The following HSD17B4 variants were observed in gnomAD, a reference collection of about 807,000 sequenced individuals.
HSD17B4 encodes peroxisomal multifunctional enzyme type 2.
A neutral mutation model predicts 101.0 loss-of-function variants in HSD17B4; 70 were observed. That is an observed-to-expected ratio of 0.69 (90% CI 0.57 to 0.85). The LOEUF (loss-of-function observed/expected upper bound fraction) is 0.85. Among genes scored for constraint, HSD17B4 ranks in the 40% least tolerant of loss-of-function variants. The probability of loss-of-function intolerance (pLI) is 0.00; values close to 1 mark genes in which losing one functional copy is unlikely to be tolerated. For missense variants in HSD17B4, 984 were observed against 892.4 expected (o/e 1.10, Z -1.31); for synonymous variants, 347 against 297.1 (o/e 1.17, Z -1.73).
At chr5:119,468,438 T>C (rs1219787992) in intron 2 of HSD17B4, among the ~76,000 whole-genome samples, 3 of 152,100 alleles carry the variant, frequency 2.0e-5, no homozygotes, top group Admixed American at 2.0e-4. Context: ...TTTTGAATGT[T>C]ATCATTCCAT....
At chr5:119,503,509 C>CATATTTGTGG (rs1561467268) in intron 14 of HSD17B4, among the ~76,000 whole-genome samples, 2 of 151,988 alleles carry the variant, frequency 1.3e-5, no homozygotes, top group Non-Finnish European at 2.9e-5. Flanking sequence ...GGTTTGGAAC[C>CATATTTGTGG]TTTTAAACTG....
intron 4 of HSD17B4, among the ~76,000 whole-genome samples, chr5:119,475,000 A>T (rs1394242140): frequency 6.6e-6 from 1 of 152,106 alleles, no homozygotes; most frequent in Non-Finnish European, 1.5e-5. Context: ...CTAGATGGAG[A>T]CATCACGGAA....
At chr5:119,509,996 G>A (rs1358912643) in intron 16 of HSD17B4, among the ~76,000 whole-genome samples, 1 of 152,202 alleles carries the variant, frequency 6.6e-6, no homozygotes, top group African/African-American at 2.4e-5. Flanking sequence ...TGACTGCATA[G>A]TCAGTGCTCC....
chr5:119,525,314 A>G (rs771510857), intron 18 of HSD17B4, 29 bp downstream of exon 18: 1 of 1,319,772 alleles, frequency 7.6e-7, no homozygotes. Context: ...GTATCAATGA[A>G]AAATATTAGC....
At chr5:119,542,329 CTTTG>C (rs969842304) in exon 24 of HSD17B4, 1 of 191,812 alleles carries the variant, frequency 5.2e-6, no homozygotes, top group Non-Finnish European at 1.1e-5. Flanking sequence ...CCTTTGATAC[CTTTG>C]TTTTTTTGTG....
At chr5:119,521,694 TTTTCTTTCCATTTC>T (rs960768006) in intron 17 of HSD17B4, among the ~76,000 whole-genome samples, 4 of 152,092 alleles carry the variant, frequency 2.6e-5, no homozygotes, top group Non-Finnish European at 5.9e-5. Context: ...GATTTTGATT[TTTTCTTTCCATTTC>T]TTTCTTGAAT....
At chr5:119,473,479 C>T (rs1219974633) in intron 2 of HSD17B4, among the ~76,000 whole-genome samples, 1 of 151,472 alleles carries the variant, frequency 6.6e-6, no homozygotes, top group Non-Finnish European at 1.5e-5. Flanking sequence ...CCATAATGCC[C>T]AGCTAATTAT....
At position 119,489,225 on chromosome 5, in the gene HSD17B4, CA is replaced by C. The variant is rs2126740125; in HGVS notation, c.657del (p.Pro220LeufsTer38). The C allele has an allele frequency of 6.2e-7, 1 of 1,612,418 alleles. No individual in the cohort carries two copies. Among genetic ancestry groups the C allele is most frequent in the Non-Finnish European group, 8.5e-7 (1 of 1,178,732 alleles). ...LVEALKPEYV[A>X]PLVLWLCHES... ...GAAGCCCTGAAGCCAGAGTATGTGG[CA>C]CCTCTTGTCCTTTGGCTTTGTCACG... On this transcript the variant is annotated frameshift_variant, in exon 9 of 24. Transcript: ENST00000510025. LOFTEE classifies it high-confidence loss of function.
Position 119,514,639 on chromosome 5 carries a change from T to C in HSD17B4, c.1438-342T>C, listed in dbSNP as rs1209385834. Among the ~76,000 whole-genome samples, 4 of 152,320 alleles carry C rather than the reference T, an allele frequency of 2.6e-5. No individual in the cohort carries two copies. In the East Asian group the frequency reaches 7.7e-4, roughly 29 times the overall value. On this transcript the variant is annotated intron_variant, in intron 16 of 23. Transcript: ENST00000510025. ...AGACCAGTTTTAAAGACTGAATCAA[T>C]TTAGATGTGAATTATATGTCTAATT...
At chr5:119,512,555 G>A (rs1451692765) in intron 16 of HSD17B4, among the ~76,000 whole-genome samples, 2 of 151,116 alleles carry the variant, frequency 1.3e-5, no homozygotes, top group African/African-American at 4.9e-5. Flanking sequence ...TATTCAGAGT[G>A]CTGAAAGGAA....
chr5:119,516,319 A>G (rs1752608499), intron 17 of HSD17B4, among the ~76,000 whole-genome samples: 4 of 152,200 alleles, frequency 2.6e-5, no homozygotes, highest in African/African-American at 9.6e-5. Flanking sequence ...TCATGGTTTC[A>G]TGGTTCAGAA....
At chr5:119,486,736 T>C (rs537475459) in intron 8 of HSD17B4, among the ~76,000 whole-genome samples, 1 of 152,316 alleles carries the variant, frequency 6.6e-6, no homozygotes, top group Non-Finnish European at 1.5e-5. Context: ...TGTACATGTG[T>C]TCTGGATTAC....
In HSD17B4 at chr5:119,531,316, A is replaced by G. The variant is rs758434548; in HGVS notation, c.1905A>G (p.Leu635=). Residue 635 remains leucine (L), a synonymous_variant, in exon 22 of 24, where the codon CTA becomes CTG. Coordinates refer to ENST00000510025, the MANE Select transcript of HSD17B4 (RefSeq NM_000414.4). Reference sequence around the variant, plus strand: ...TATTTGAGGAAATAGGACGCCGCCTAAAGGATATTGGGCCTGAGGTGGTGA... The same window carrying G: ...TATTTGAGGAAATAGGACGCCGCCTGAAGGATATTGGGCCTGAGGTGGTGA... The part of the protein sequence containing the change: ...TFVFEEIGRR[L]KDIGPEVVKK... 10 of 1,613,542 alleles carry G rather than the reference A, an allele frequency of 6.2e-6. No individual in the cohort carries two copies. Among genetic ancestry groups the G allele is most frequent in the African/African-American group, 1.3e-5 (1 of 74,994 alleles).
At chr5:119,492,764 C>T (rs1015762493) in intron 10 of HSD17B4, 1 of 151,956 alleles carries the variant, frequency 6.6e-6, no homozygotes, top group Middle Eastern at 3.4e-3. Flanking sequence ...ATTTACTTGG[C>T]TTCAACCCTC....
chr5:119,540,651 G>A (rs2126930231), intron 23 of HSD17B4, among the ~76,000 whole-genome samples: 1 of 152,288 alleles, frequency 6.6e-6, no homozygotes, highest in Non-Finnish European at 1.5e-5. Flanking sequence ...TCTCCTGTTT[G>A]AATGCATTTG....
chr5:119,469,777 G>A (rs545873649), intron 2 of HSD17B4, among the ~76,000 whole-genome samples: 1 of 152,034 alleles, frequency 6.6e-6, no homozygotes, highest in East Asian at 1.9e-4. Context: ...TATCAGTTAG[G>A]TTAGGTGTTT....
At chr5:119,465,912 G>C (rs1465117255) in intron 2 of HSD17B4, among the ~76,000 whole-genome samples, 1 of 152,180 alleles carries the variant, frequency 6.6e-6, no homozygotes, top group Non-Finnish European at 1.5e-5. Flanking sequence ...AGTTTTTAGA[G>C]GAGAAGCTTT....
chr5:119,514,919 T>C, intron 16 of HSD17B4, 62 bp from the exon 17 acceptor site: 1 of 935,878 alleles, frequency 1.1e-6, no homozygotes, highest in East Asian at 2.4e-5. Context: ...AAATGTGAGT[T>C]TGGTTAAAGA....
At chr5:119,467,035 G>C (rs548760069) in intron 2 of HSD17B4, among the ~76,000 whole-genome samples, 1 of 151,928 alleles carries the variant, frequency 6.6e-6, no homozygotes, top group Non-Finnish European at 1.5e-5. Context: ...TTTGCTACCC[G>C]TTGGTTATTC....
Sources: gnomAD v4.1 joint callset for allele counts (sites outside exome capture counted in the v4.1 genomes callset) on GRCh38, gnomAD v4.1.1 for gene constraint, MANE v1.5 for transcripts, NCBI Gene and HGNC (gene_info 2026-07-23, HGNC 2026-07-21) for gene names.